Variants in ZFP64 observed in about 807,000 individuals in gnomAD.
ZFP64 encodes ZFP64 zinc finger protein.
ZFP64 carries 14 observed loss-of-function variants against 51.6 expected under a neutral mutation model. That is an observed-to-expected ratio of 0.27 (90% CI 0.18 to 0.42). The LOEUF is 0.42. Among genes scored for constraint, ZFP64 ranks in the 10% least tolerant of loss-of-function variants. The pLI is 1.00. For missense variants in ZFP64, 754 were observed against 906.8 expected, an observed-to-expected ratio of 0.83 and a Z score of 2.16; for synonymous variants, 375 against 361.4, an observed-to-expected ratio of 1.04 and a Z score of -0.43.
intron 5 of ZFP64, chr20:52,105,164 GCA>G: frequency 6.9e-7 from 1 of 1,450,984 alleles, no homozygotes; most frequent in Non-Finnish European, 9.0e-7. Flanking sequence ...GGCCACCTCC[GCA>G]CACTCCCGGC....
At chr20:52,084,767 C>A (rs1291722435) in exon 9 of ZFP64, 2 of 1,614,106 alleles carry the variant, frequency 1.2e-6, no homozygotes, top group African/African-American at 1.3e-5. Context: ...AGGCCCTCTG[C>A]GTCACGATCT....
intron 8 of ZFP64, among the ~76,000 whole-genome samples, chr20:52,086,312 G>A (rs964333353): frequency 2.0e-5 from 3 of 152,132 alleles, no homozygotes; most frequent in African/African-American, 7.2e-5. Context: ...ACTCAGGCCA[G>A]TGGATGGCGT....
intron 5 of ZFP64, chr20:52,105,372 C>T (rs1359109853): frequency 2.4e-5 from 30 of 1,238,686 alleles, no homozygotes; most frequent in Non-Finnish European, 2.9e-5. Flanking sequence ...CCGAGCAGGG[C>T]GATTTATCAA....
Position 52,191,564 on chromosome 20 carries a change from G to C in ZFP64, c.46+27C>G. 1 of 1,562,508 alleles carries C rather than the reference G, an allele frequency of 6.4e-7. No individual in the cohort carries two copies. The highest frequency in any genetic ancestry group is 8.6e-7 in the Non-Finnish European group (1 of 1,159,080). On this transcript the variant is annotated intron_variant, in intron 1 of 5. Coordinates refer to ENST00000216923, the MANE Select transcript of ZFP64 (RefSeq NM_018197.3). This position sits in a 1 kb window ranked among gnomAD's most constrained non-coding sequence, Gnocchi z 4.3. ...CGGAGCGCGCACTGGGCCCCGGAGCGCGCACTGCTCCCGGAAAAGCACTTA... is the reference window on the plus strand; with the variant it reads ...CGGAGCGCGCACTGGGCCCCGGAGCCCGCACTGCTCCCGGAAAAGCACTTA...
At chr20:52,168,380 C>T (rs1982454510) in intron 2 of ZFP64, among the ~76,000 whole-genome samples, 1 of 152,202 alleles carries the variant, frequency 6.6e-6, no homozygotes, top group East Asian at 1.9e-4. Context: ...CTGGCTATTT[C>T]TCCTGGTTTC....
intron 7 of ZFP64, chr20:52,088,875 A>C (rs1489546514): frequency 1.3e-5 from 9 of 676,764 alleles, no homozygotes. Flanking sequence ...TTGATGGAGA[A>C]AATTACAGGC....
At chr20:52,150,787 T>A (rs963590338), downstream of ZFP64, among the ~76,000 whole-genome samples, 1 of 152,220 alleles carries the variant, frequency 6.6e-6, no homozygotes, top group Non-Finnish European at 1.5e-5. Flanking sequence ...TATTACAACC[T>A]TACAGAATGG....
At chr20:52,097,496 C>A in intron 6 of ZFP64, 2 of 1,514,750 alleles carry the variant, frequency 1.3e-6, no homozygotes, top group South Asian at 2.5e-5. Flanking sequence ...GCTCTGTCGC[C>A]CAGGCTGGAG....
rs1427705802 is a variant in ZFP64 at position 52,191,625 on chromosome 20, G to A, written c.12C>T (p.Ser4=). MNA[S]SEGESFAGSV... ...AGCCCGCGAAGCTCTCGCCCTCGCT[G>A]CTCGCGTTCATGGCCGCAGACTGGG... The change falls in exon 1 of 6, where the codon AGC becomes AGT. Residue 4 remains serine (S), a synonymous_variant. Coordinates refer to ENST00000216923, the MANE Select transcript of ZFP64 (RefSeq NM_018197.3). This position sits in a 1 kb window ranked among gnomAD's most constrained non-coding sequence, Gnocchi z 4.3. The A allele has an allele frequency of 7.6e-6, 12 of 1,589,006 alleles. No individual in the cohort carries two copies. The highest frequency in any genetic ancestry group is 1.0e-5 in the Non-Finnish European group (12 of 1,170,394).
chr20:52,152,020 G>A lies in ZFP64; in HGVS notation c.*126C>T. 1 of 1,443,726 alleles carries A rather than the reference G, an allele frequency of 6.9e-7. No homozygotes were observed. The highest frequency in any genetic ancestry group is 9.1e-7 in the Non-Finnish European group (1 of 1,099,680). The allele number at this position is 1,443,726 out of a possible 1,614,324, so 89.4% of individuals were successfully genotyped here. On this transcript the variant is annotated 3_prime_UTR_variant, in exon 6 of 6. Transcript: ENST00000216923. ...CCACTGCACTCCAGCCTGGGAAACAGAGCGAGACTCCGTCTCAAAAACAAA... is the reference window on the plus strand; with the variant it reads ...CCACTGCACTCCAGCCTGGGAAACAAAGCGAGACTCCGTCTCAAAAACAAA...
intron 7 of ZFP64, among the ~76,000 whole-genome samples, chr20:52,090,480 G>C (rs1012604144): frequency 1.3e-5 from 2 of 152,132 alleles, no homozygotes; most frequent in Non-Finnish European, 2.9e-5. Context: ...ATAGCTTTCA[G>C]ACAAGAGAAA....
intron 5 of ZFP64, among the ~76,000 whole-genome samples, chr20:52,139,040 A>G (rs1332929315): frequency 1.4e-4 from 21 of 152,204 alleles, no homozygotes; most frequent in Non-Finnish European, 1.6e-4. Flanking sequence ...AACTAAAGAT[A>G]TTCACAAGGT....
At chr20:52,116,657 A>G (rs1388853022) in intron 5 of ZFP64, among the ~76,000 whole-genome samples, 3 of 152,200 alleles carry the variant, frequency 2.0e-5, no homozygotes, top group Non-Finnish European at 2.9e-5. Flanking sequence ...TTATGCTGTT[A>G]GGCATATGTG....
At chr20:52,108,298 G>C (rs1181410257) in intron 5 of ZFP64, among the ~76,000 whole-genome samples, 1 of 152,002 alleles carries the variant, frequency 6.6e-6, no homozygotes, top group Non-Finnish European at 1.5e-5. Flanking sequence ...CTTGATTTTT[G>C]CCAACTATAT....
chr20:52,175,376 G>A (rs1983104706), intron 2 of ZFP64, among the ~76,000 whole-genome samples: 1 of 152,208 alleles, frequency 6.6e-6, no homozygotes, highest in African/African-American at 2.4e-5. Context: ...TCCCTCCTTG[G>A]CCTCCCAAAG....
At chr20:52,117,823 G>A (rs899680046) in intron 5 of ZFP64, 2 of 392,564 alleles carry the variant, frequency 5.1e-6, no homozygotes, top group African/African-American at 2.1e-5. Context: ...GTCTCCCTCT[G>A]CTTGTTCTGT....
chr20:52,113,751 CT>C (rs768596257), intron 5 of ZFP64, among the ~76,000 whole-genome samples: 28 of 152,016 alleles, frequency 1.8e-4, no homozygotes, highest in Non-Finnish European at 4.0e-4. Flanking sequence ...GATAACAATT[CT>C]TTGAGCCCAC....
At chr20:52,119,533 A>ATATATATATATATATATATATATATAT (rs1555802531) in intron 5 of ZFP64, among the ~76,000 whole-genome samples, 3 of 89,834 alleles carry the variant, frequency 3.3e-5, no homozygotes, top group African/African-American at 1.4e-4. Context: ...AAAAAAAAAA[A>ATATATATATATATATATATATATATAT]ATATATATAT....
intron 5 of ZFP64, among the ~76,000 whole-genome samples, chr20:52,098,816 A>G (rs1489830331): frequency 6.6e-6 from 1 of 152,008 alleles, no homozygotes; most frequent in Non-Finnish European, 1.5e-5. Context: ...AGCCTGGCCA[A>G]TATGGTGAAA....
Sources: gnomAD v4.1 joint callset for allele counts (sites outside exome capture counted in the v4.1 genomes callset) on GRCh38, gnomAD v4.1.1 for gene constraint, Gnocchi (gnomAD v3.1) non-coding constraint, MANE v1.5 for transcripts, NCBI Gene and HGNC (gene_info 2026-07-23, HGNC 2026-07-21) for gene names.